ELK4: variants seen among roughly 807,000 people sequenced by gnomAD.
ELK4 encodes ETS transcription factor ELK4.
In ELK4, 16 loss-of-function variants were observed where a neutral mutation model predicts 29.6. The ratio of observed to expected loss-of-function variants is 0.54; its 90% CI spans 0.37 to 0.82. The LOEUF is 0.82. Among genes scored for constraint, ELK4 ranks in the 40% least tolerant of loss-of-function variants. ELK4 has a pLI of 0.00. For missense variants in ELK4, 465 were observed against 507.1 expected (o/e 0.92, Z 0.80); for synonymous variants, 213 against 191.1 (o/e 1.11, Z -0.95).
intron 1 of ELK4, chr1:205,625,334 A>G: frequency 3.5e-6 from 1 of 285,482 alleles, no homozygotes; most frequent in East Asian, 6.5e-5. Context: ...ACATCATAGC[A>G]AAGAAGATAT....
chr1:205,625,659 C>A, intron 1 of ELK4: 7 of 917,388 alleles, frequency 7.6e-6, no homozygotes, highest in Non-Finnish European at 1.1e-5. Context: ...CACAGCTGGT[C>A]AGTTCTGCTG....
chr1:205,627,248 G>A (rs911766229), intron 1 of ELK4, among the ~76,000 whole-genome samples: 2 of 152,158 alleles, frequency 1.3e-5, no homozygotes, highest in Admixed American at 6.5e-5. Flanking sequence ...AGTGGCTCAC[G>A]CCTGTAATCC....
At chr1:205,631,517 G>A (rs7523896) in intron 1 of ELK4, 115 bp downstream of exon 1, 13,240 of 141,552 alleles carry the variant, frequency 0.094, 837 homozygotes, top group East Asian at 0.29. Context: ...GCCCGGCCCC[G>A]GCCCCCGCCC....
At chr1:205,625,663 TCTGCTGCTG>T in intron 1 of ELK4, 1 of 897,166 alleles carries the variant, frequency 1.1e-6, no homozygotes. Context: ...GCTGGTCAGT[TCTGCTGCTG>T]CTGCTTCTTT....
chr1:205,630,852 G>C (rs980640225), intron 1 of ELK4, among the ~76,000 whole-genome samples: 3 of 152,112 alleles, frequency 2.0e-5, no homozygotes. Flanking sequence ...GTAGGGGGTG[G>C]GAAAAGACGA....
At chr1:205,625,738 G>C (rs1175501809) in intron 1 of ELK4, 1 of 693,906 alleles carries the variant, frequency 1.4e-6, no homozygotes, top group African/African-American at 1.8e-5. Context: ...GAGTGCAGTG[G>C]CGCAATCTGG....
At position 205,609,619 on chromosome 1, in the gene ELK4, G is replaced by A. The variant is rs1670124727; in HGVS notation, c.*6927C>T. ...GTAAGCAATGAATGTACATACAAAG[G>A]CCACTGGTTAATACTGCCCCAAGTA... is the stretch of plus-strand genomic sequence containing the variant. On this transcript the variant is annotated 3_prime_UTR_variant, in exon 5 of 5. Coordinates refer to ENST00000357992, the MANE Select transcript of ELK4 (RefSeq NM_001973.4). 6 of 204,322 alleles carry A rather than the reference G, an allele frequency of 2.9e-5. No homozygotes were observed. Among genetic ancestry groups the A allele is most frequent in the Admixed American group, 6.0e-5 (1 of 16,698 alleles). 12.7% of individuals were successfully genotyped at this position (204,322 alleles called of 1,614,324 possible).
intron 4 of ELK4, among the ~76,000 whole-genome samples, chr1:205,617,951 G>A (rs543227740): frequency 3.3e-5 from 5 of 151,076 alleles, no homozygotes; most frequent in Admixed American, 3.3e-4. Flanking sequence ...CCTATGTGCA[G>A]AGATCCCCCA....
chr1:205,620,701 G>A lies in ELK4; in HGVS notation c.345C>T (p.Ser115=), dbSNP rs1243857889. The change falls in exon 3 of 5, where the codon AGC becomes AGT. Residue 115 remains serine, a synonymous_variant. Coordinates refer to ENST00000357992, the MANE Select transcript of ELK4 (RefSeq NM_001973.4). ...CTCCATTCTCCACATCTTTGGAACT[G>A]CTGCTGACTTCACTGAAGTTTAAAC... ...CESLNFSEVS[S]SSKDVENGGK... The A allele has an allele frequency of 6.2e-7, 1 of 1,614,130 alleles. No individual in the cohort carries two copies. The highest frequency in any genetic ancestry group is 1.7e-5 in the Admixed American group (1 of 60,018).
Position 205,620,676 on chromosome 1 carries a change from C to G in ELK4, c.370G>C (p.Gly124Arg). ...SSSSKDVENG[G>R]KDKPPQPGAK... ...CCAGGCTGAGGTGGTTTATCTTTCC[C>G]TCCATTCTCCACATCTTTGGAACTG... Residue 124 changes from glycine (G) to arginine (R), a missense_variant, in exon 3 of 5, where the codon GGG (glycine) becomes CGG (arginine). Physicochemically the swap from Gly to Arg is moderately radical, Grantham distance 125. Transcript: ENST00000357992. 1 of 1,614,126 alleles carries G rather than the reference C, an allele frequency of 6.2e-7. No homozygotes were observed. The highest frequency in any genetic ancestry group is 8.5e-7 in the Non-Finnish European group (1 of 1,180,020).
chr1:205,619,426 GAATTCAGGTACAGA>G, intron 3 of ELK4: 1 of 1,059,898 alleles, frequency 9.4e-7, no homozygotes. Context: ...AAACCAACCT[GAATTCAGGTACAGA>G]GGAATAATGG....
At position 205,620,318 on chromosome 1, in the gene ELK4, G is replaced by C; in HGVS notation, c.728C>G (p.Ser243Cys). The C allele has an allele frequency of 6.2e-7, 1 of 1,614,216 alleles. No homozygotes were observed. The highest frequency in any genetic ancestry group is 8.5e-7 in the Non-Finnish European group (1 of 1,180,040). ...GGTGGCAAAAGCAGTCATTACGTTAGAGGCAGAGGTTGGGGCTTCCAGGGA... is the reference window on the plus strand; with the variant it reads ...GGTGGCAAAAGCAGTCATTACGTTACAGGCAGAGGTTGGGGCTTCCAGGGA... Reference protein sequence around the residue: ...LPSLEAPTSASNVMTAFATTP... With the variant: ...LPSLEAPTSACNVMTAFATTP... Residue 243 changes from serine (S) to cysteine (C), a missense_variant, in exon 3 of 5, where the codon TCT becomes TGT. Ser to Cys is a moderately radical substitution (Grantham distance 112, BLOSUM62 -1). Transcript: ENST00000357992.
intron 2 of ELK4, among the ~76,000 whole-genome samples, chr1:205,621,686 A>G (rs1278007970): frequency 1.3e-5 from 2 of 151,846 alleles, no homozygotes; most frequent in Admixed American, 1.3e-4. Context: ...TGCCCAGCTA[A>G]TTTTGTATTT....
At chr1:205,618,196 A>AT (rs919747083) in intron 4 of ELK4, among the ~76,000 whole-genome samples, 1 of 151,654 alleles carries the variant, frequency 6.6e-6, no homozygotes, top group Non-Finnish European at 1.5e-5. Flanking sequence ...GCCTAACTTA[A>AT]TTTTTTTTAT....
chr1:205,611,128 G>GT lies in ELK4; in HGVS notation c.*5417dup, dbSNP rs1311290426. 2 of 215,132 alleles carry GT rather than the reference G, an allele frequency of 9.3e-6. No individual in the cohort carries two copies. Among genetic ancestry groups the GT allele is most frequent in the Admixed American group, 5.8e-5 (1 of 17,148 alleles). 13.3% of individuals were successfully genotyped at this position (215,132 alleles called of 1,614,324 possible). A position where few individuals can be genotyped will look rare whatever the true frequency, so the allele number is the denominator to read the frequency against. ...TCTGGATTTTCATATTTCACAATAA[G>GT]TAAGTGTGGATGGCAGCACCTTAGA... On this transcript the variant is annotated 3_prime_UTR_variant, in exon 5 of 5. Transcript: ENST00000357992.
rs182223179 is a variant in ELK4 at position 205,608,135 on chromosome 1, A to G, written c.*8411T>C. ...ACATAAAATAGATTTTTAAAAATGTATATCTTTCCTAAAAGATGCATATCA... is the reference window on the plus strand; with the variant it reads ...ACATAAAATAGATTTTTAAAAATGTGTATCTTTCCTAAAAGATGCATATCA... On this transcript the variant is annotated 3_prime_UTR_variant, in exon 5 of 5. Transcript: ENST00000357992. 2.5e-4 allele frequency: 46 copies of G among 186,020 alleles called. No individual in the cohort carries two copies. Among genetic ancestry groups the G allele is most frequent in the East Asian group, 1.7e-3 (19 of 11,504 alleles). The allele number at this position is 186,020 out of a possible 1,614,324, so 11.5% of individuals were successfully genotyped here.
chr1:205,608,624 T>C lies in ELK4; in HGVS notation c.*7922A>G, dbSNP rs935756880. The stretch of plus-strand genomic sequence containing the variant: ...AGGTGCTTTTTAGGTCTCCCTAATG[T>C]AAATTATGCTGAAATCAACTAAGAC... On this transcript the variant is annotated 3_prime_UTR_variant, in exon 5 of 5. Transcript: ENST00000357992. 3.5e-5 allele frequency: 7 copies of C among 197,358 alleles called. No homozygotes were observed. Among genetic ancestry groups the C allele is most frequent in the Non-Finnish European group, 6.3e-5 (6 of 95,304 alleles). The allele number at this position is 197,358 out of a possible 1,614,324, so 12.2% of individuals were successfully genotyped here. A position where few individuals can be genotyped will look rare whatever the true frequency, so the allele number is the denominator to read the frequency against.
At chr1:205,623,501 G>A (rs974127602) in intron 2 of ELK4, among the ~76,000 whole-genome samples, 175 bp downstream of exon 2, 3 of 151,914 alleles carry the variant, frequency 2.0e-5, no homozygotes, top group African/African-American at 7.3e-5. Context: ...TTTTGGTAGA[G>A]ACAGGGTTTC....
chr1:205,621,936 G>A (rs913992639), intron 2 of ELK4, among the ~76,000 whole-genome samples: 3 of 151,406 alleles, frequency 2.0e-5, no homozygotes, highest in African/African-American at 7.3e-5. Flanking sequence ...AAAGAGCCCT[G>A]CACAGTGGCT....
Sources: allele counts gnomAD v4.1 joint callset (sites outside exome capture counted in the v4.1 genomes callset), GRCh38; gene constraint gnomAD v4.1.1; transcripts MANE v1.5; gene names NCBI Gene and HGNC (gene_info 2026-07-23, HGNC 2026-07-21).